Variants in RECQL observed in about 807,000 individuals in gnomAD.
RECQL encodes the protein RecQ like helicase.
RECQL carries 73 observed loss-of-function variants against 75.8 expected under a neutral mutation model. That is an observed-to-expected ratio of 0.96 (90% CI 0.80 to 1.17). The LOEUF (loss-of-function observed/expected upper bound fraction) is 1.17. Among genes scored for constraint, RECQL ranks in the 50% most tolerant of loss-of-function variants. RECQL has a pLI of 0.00. For missense variants in RECQL, 699 were observed against 772.1 expected (o/e 0.91, Z 1.12); for synonymous variants, 248 against 254.4 (o/e 0.97, Z 0.24).
In RECQL at chr12:21,490,303, A is replaced by G. The variant is rs1943385917; in HGVS notation, c.290T>C (p.Leu97Pro). 6.2e-7 allele frequency: 1 copy of G among 1,612,804 alleles called. No individual in the cohort carries two copies. Among genetic ancestry groups the G allele is most frequent in the African/African-American group, 1.3e-5 (1 of 74,890 alleles). Residue 97 changes from leucine to proline, a missense_variant, in exon 4 of 15, where the codon CTT becomes CCT. Around this residue, in one of 2 missense-constraint regions of RECQL, gnomAD observed 669 missense variants for 713.5 expected, o/e 0.94. Coordinates refer to ENST00000444129, the MANE Select transcript of RECQL (RefSeq NM_002907.4). ...FKLEKFRPLQLETINVTMAGK... is the reference protein window; with the variant it reads ...FKLEKFRPLQPETINVTMAGK... ...AGCCATTGTTACGTTAATAGTTTCA[A>G]GCTGAAGTGGTCTGAACTTTTCCAG... is the stretch of plus-strand genomic sequence containing the variant.
intron 5 of RECQL, 63 bp downstream of exon 5, chr12:21,486,416 C>T: frequency 6.7e-7 from 1 of 1,487,226 alleles, no homozygotes; most frequent in Non-Finnish European, 9.0e-7. Flanking sequence ...AACTCAACTG[C>T]AGGTAAAGCT....
Position 21,475,815 on chromosome 12 carries a change from T to C in RECQL, c.959A>G (p.Tyr320Cys), listed in dbSNP as rs1325347662. 1.9e-6 allele frequency: 3 copies of C among 1,611,486 alleles called. No homozygotes were observed. Among genetic ancestry groups the C allele is most frequent in the Non-Finnish European group, 2.5e-6 (3 of 1,178,280 alleles). ...GRYKGQSGII[Y>C]CFSQKDSEQV... ...TTCAGAGTCTTTCTGAGAAAAACAA[T>C]ATATGATTCCTGCAGTAAAATATGT... Residue 320 changes from tyrosine to cysteine, a missense_variant, in exon 9 of 15, where the codon TAT becomes TGT. This residue lies in a region of RECQL where 669 missense variants were observed against 713.5 expected (regional missense o/e 0.94). Coordinates refer to ENST00000444129, the MANE Select transcript of RECQL (RefSeq NM_002907.4).
chr12:21,471,289 TTGAG>T lies in RECQL; in HGVS notation c.1667+135_1667+138del, dbSNP rs1209015909. The T allele has an allele frequency of 1.7e-4, 161 of 965,312 alleles. 1 individual carries two copies. In the East Asian group the frequency reaches 4.2e-3, roughly 25 times the overall value. The allele number at this position is 965,312 out of a possible 1,614,324, so 59.8% of individuals were successfully genotyped here. On this transcript the variant is annotated intron_variant, in intron 13 of 14. Transcript: ENST00000444129. ...TTTTTTTATTTATAGTGATTAAAGT[TTGAG>T]TGTTTTAGGTAAATTACTTTCTATA...
At chr12:21,487,711 T>C (rs1250923327) in intron 4 of RECQL, among the ~76,000 whole-genome samples, 1 of 152,176 alleles carries the variant, frequency 6.6e-6, no homozygotes, top group Non-Finnish European at 1.5e-5. Flanking sequence ...GGTCTGAAAG[T>C]TGGTATCCCC....
chr12:21,469,049 A>G lies in RECQL; in HGVS notation c.*1145T>C. 3.7e-6 allele frequency: 1 copy of G among 270,272 alleles called. No homozygotes were observed. The allele number at this position is 270,272 out of a possible 1,614,324, so 16.7% of individuals were successfully genotyped here. On this transcript the variant is annotated 3_prime_UTR_variant, in exon 15 of 15. Coordinates refer to ENST00000444129, the MANE Select transcript of RECQL (RefSeq NM_002907.4). ...TACTTGTGATTTAGCTTTGGAGCAA[A>G]TTTAGGTAAGTTATCTACTTAGCCA...
rs1287348479 is a variant in RECQL at position 21,470,038 on chromosome 12, TC to T, written c.*155del. 1.3e-6 allele frequency: 1 copy of T among 766,096 alleles called. No individual in the cohort carries two copies. The highest frequency in any genetic ancestry group is 1.8e-5 in the African/African-American group (1 of 54,766). 47.5% of individuals were successfully genotyped at this position (766,096 alleles called of 1,614,324 possible). A position where few individuals can be genotyped will look rare whatever the true frequency, so the allele number is the denominator to read the frequency against. On this transcript the variant is annotated 3_prime_UTR_variant, in exon 15 of 15. Coordinates refer to ENST00000444129, the MANE Select transcript of RECQL (RefSeq NM_002907.4). ...CATGATCTCTAATTTTCAAACATTC[TC>T]AAAAGTTTAGATCTTCAGAGATAAG...
rs183963845 is a variant in RECQL at position 21,482,567 on chromosome 12, T to C, written c.700+809A>G. Reference sequence around the variant, plus strand: ...AGCCAAAGTCTAGATGAATCCAGCATCTCAGGCACAACGCCTGAAGCAGAC... The same window carrying C: ...AGCCAAAGTCTAGATGAATCCAGCACCTCAGGCACAACGCCTGAAGCAGAC... On this transcript the variant is annotated intron_variant, in intron 6 of 14. Transcript: ENST00000444129. 3.9e-5 allele frequency among the ~76,000 whole-genome samples: 6 copies of C among 152,294 alleles called. 1 individual carries two copies. In the East Asian group the frequency reaches 1.2e-3, roughly 29 times the overall value.
Position 21,491,612 on chromosome 12 carries a change from C to CT in RECQL, c.120dup (p.Val41SerfsTer14), listed in dbSNP as rs745659712. On this transcript the variant is annotated frameshift_variant, in exon 3 of 15. Transcript: ENST00000444129. LOFTEE classifies it high-confidence loss of function. ...CACTGCTTTATTTTCTTTGTCAGGA[C>CT]TTTTTTTTTCTGAATAAGCTCTTGT... is the stretch of plus-strand genomic sequence containing the variant. The CT allele has an allele frequency of 3.1e-5, 50 of 1,605,990 alleles. No individual in the cohort carries two copies. The highest frequency in any genetic ancestry group is 3.3e-4 in the Middle Eastern group (2 of 6,054).
intron 2 of RECQL, among the ~76,000 whole-genome samples, chr12:21,497,852 T>C (rs1378100348): frequency 6.6e-6 from 1 of 152,180 alleles, no homozygotes; most frequent in African/African-American, 2.4e-5. Flanking sequence ...AAACAGCTCA[T>C]ACCAACCTTG....
intron 2 of RECQL, among the ~76,000 whole-genome samples, chr12:21,494,380 T>G (rs1369355188): frequency 6.6e-6 from 1 of 152,150 alleles, no homozygotes; most frequent in East Asian, 1.9e-4. Flanking sequence ...GAATAGATCA[T>G]AAAGGTACTG....
intron 11 of RECQL, among the ~76,000 whole-genome samples, chr12:21,473,879 TCTAAAATA>T (rs1332891981): frequency 6.6e-6 from 1 of 152,076 alleles, no homozygotes; most frequent in East Asian, 1.9e-4. Flanking sequence ...CATCACACAA[TCTAAAATA>T]ATCTCCCTAT....
Position 21,501,620 on chromosome 12 carries a change from A to G in RECQL, c.-496T>C. The G allele has an allele frequency of 2.4e-6, 1 of 413,110 alleles. No individual in the cohort carries two copies. Among genetic ancestry groups the G allele is most frequent in the South Asian group, 3.3e-5 (1 of 30,632 alleles). 25.6% of individuals were successfully genotyped at this position (413,110 alleles called of 1,614,324 possible). A position where few individuals can be genotyped will look rare whatever the true frequency, so the allele number is the denominator to read the frequency against. ...CGGGAGTAAAATCTTCCCGCCAGCC[A>G]GCTGAGAGCATCCACCCTTCCGGGT... is the stretch of plus-strand genomic sequence containing the variant. On this transcript the variant is annotated 5_prime_UTR_variant, in exon 1 of 15. Coordinates refer to ENST00000444129, the MANE Select transcript of RECQL (RefSeq NM_002907.4).
At chr12:21,484,601 C>A (rs1218349721) in intron 5 of RECQL, among the ~76,000 whole-genome samples, 8 of 151,952 alleles carry the variant, frequency 5.3e-5, no homozygotes, top group South Asian at 4.2e-4. Context: ...TAGGTCTGGG[C>A]AGGAAATGCA....
chr12:21,496,928 G>C (rs1451556494), intron 2 of RECQL, among the ~76,000 whole-genome samples: 1 of 152,176 alleles, frequency 6.6e-6, no homozygotes, highest in African/African-American at 2.4e-5. Flanking sequence ...TGATGGTGCT[G>C]TAAGTTTGTG....
At chr12:21,488,619 T>A (rs182560960) in intron 4 of RECQL, among the ~76,000 whole-genome samples, 6 of 152,308 alleles carry the variant, frequency 3.9e-5, no homozygotes, top group African/African-American at 1.4e-4. Context: ...CTTTCGCCAA[T>A]GTACCCCATT....
At chr12:21,500,338 G>A (rs995184771) in intron 1 of RECQL, among the ~76,000 whole-genome samples, 3 of 152,076 alleles carry the variant, frequency 2.0e-5, no homozygotes, top group African/African-American at 7.2e-5. Context: ...GTGGAAAATG[G>A]GGCTGGAGAG....
chr12:21,484,330 G>C (rs1237768231), intron 5 of RECQL, among the ~76,000 whole-genome samples: 1 of 152,050 alleles, frequency 6.6e-6, no homozygotes, highest in Non-Finnish European at 1.5e-5. Context: ...GGATACAGAT[G>C]TTCTTTTTTT....
intron 5 of RECQL, among the ~76,000 whole-genome samples, chr12:21,484,285 A>C (rs1337639161): frequency 6.6e-6 from 1 of 152,144 alleles, no homozygotes. Flanking sequence ...TCATCCCAGC[A>C]AAGAAGCAGT....
At chr12:21,486,968 C>T (rs764318973) in intron 4 of RECQL, among the ~76,000 whole-genome samples, 4 of 152,046 alleles carry the variant, frequency 2.6e-5, no homozygotes, top group Middle Eastern at 3.2e-3. Flanking sequence ...CTACCACGCC[C>T]GGCCCATTCA....
Sources: allele counts gnomAD v4.1 joint callset (sites outside exome capture counted in the v4.1 genomes callset), GRCh38; gene constraint gnomAD v4.1.1; regional missense constraint gnomAD v4.1.1; transcripts MANE v1.5; gene names NCBI Gene and HGNC (gene_info 2026-07-23, HGNC 2026-07-21).